Variants in SPECC1 observed in about 807,000 individuals in gnomAD.
SPECC1 encodes sperm antigen with calponin homology and coiled-coil domains 1.
SPECC1 carries 62 observed loss-of-function variants against 104.1 expected under a neutral mutation model. The observed-to-expected ratio is 0.60, with a 90% CI of 0.49 to 0.74. The LOEUF (loss-of-function observed/expected upper bound fraction) is 0.74. SPECC1 is among the 30% of genes least tolerant of loss of function. The probability of loss-of-function intolerance (pLI) is 0.00; values close to 1 mark genes in which losing one functional copy is unlikely to be tolerated. For missense variants in SPECC1, 1,306 were observed against 1,310.5 expected, an observed-to-expected ratio of 1.00 and a Z score of 0.05; for synonymous variants, 513 against 501.6, an observed-to-expected ratio of 1.02 and a Z score of -0.30.
intron 12 of SPECC1, among the ~76,000 whole-genome samples, chr17:20,285,853 C>T (rs1052325244): frequency 3.3e-5 from 5 of 150,574 alleles, no homozygotes; most frequent in African/African-American, 1.2e-4. Context: ...CGCTCTACCA[C>T]CCAGGTTGGA....
intron 3 of SPECC1, among the ~76,000 whole-genome samples, chr17:20,152,323 A>C (rs1267869600): frequency 6.6e-6 from 1 of 152,138 alleles, no homozygotes; most frequent in Non-Finnish European, 1.5e-5. Flanking sequence ...ATAAAATAAT[A>C]CAAGCATTGA....
intron 1 of SPECC1, among the ~76,000 whole-genome samples, chr17:20,019,928 C>G (rs1160371493): frequency 6.6e-6 from 1 of 152,194 alleles, no homozygotes; most frequent in Non-Finnish European, 1.5e-5. Context: ...TGTGTATAAT[C>G]TTCCACAAGA....
chr17:20,053,382 C>T lies in SPECC1; in HGVS notation c.-21-43249C>T, dbSNP rs569429878. Among the ~76,000 whole-genome samples the T allele has an allele frequency of 6.2e-4, 94 of 152,290 alleles. 1 individual carries two copies. The highest frequency in any genetic ancestry group is 9.7e-4 in the Non-Finnish European group (66 of 68,028). On this transcript the variant is annotated intron_variant, in intron 1 of 14. Coordinates refer to ENST00000395527, the MANE Select transcript of SPECC1 (RefSeq NM_001243439.2). ...TTTCAAGTTCAGCATTAATTGAACC[C>T]CCTATCCACTTCCACAGTGTGATGA...
At chr17:20,168,895 C>T (rs2033871855) in intron 3 of SPECC1, among the ~76,000 whole-genome samples, 1 of 152,022 alleles carries the variant, frequency 6.6e-6, no homozygotes, top group Non-Finnish European at 1.5e-5. Context: ...TTTTTTGAGG[C>T]AGGGTCTTGC....
At chr17:20,149,072 C>T (rs908288950) in intron 3 of SPECC1, among the ~76,000 whole-genome samples, 2 of 152,190 alleles carry the variant, frequency 1.3e-5, no homozygotes, top group Admixed American at 6.5e-5. Context: ...AACTTAGTAT[C>T]TGACACATAG....
At chr17:20,019,503 G>A (rs2044287019) in intron 1 of SPECC1, among the ~76,000 whole-genome samples, 1 of 151,992 alleles carries the variant, frequency 6.6e-6, no homozygotes, top group Admixed American at 6.6e-5. Context: ...GCCTTGAGAG[G>A]GTGTCAGTGA....
At chr17:20,308,918 G>C (rs532062725) in intron 14 of SPECC1, among the ~76,000 whole-genome samples, 1 of 152,276 alleles carries the variant, frequency 6.6e-6, no homozygotes. Context: ...TCTTTGTAGT[G>C]TTGTAATTAA....
intron 3 of SPECC1, among the ~76,000 whole-genome samples, chr17:20,130,595 T>C (rs185802952): frequency 1.1e-4 from 16 of 152,340 alleles, no homozygotes; most frequent in Admixed American, 8.5e-4. Flanking sequence ...TTTTGTGTTG[T>C]TGATCTATAT....
At chr17:20,214,741 T>A (rs2151397836) in intron 4 of SPECC1, among the ~76,000 whole-genome samples, 1 of 152,092 alleles carries the variant, frequency 6.6e-6, no homozygotes, top group Admixed American at 6.5e-5. Context: ...CCCCTGACCT[T>A]AAGTGATCCA....
chr17:20,273,390 G>A (rs8074047), intron 12 of SPECC1, among the ~76,000 whole-genome samples: 107,134 of 151,416 alleles, frequency 0.71, 39,667 homozygotes, highest in East Asian at 0.99. Context: ...AGGCATGAGA[G>A]TCTCTTGAAC....
chr17:20,311,324 C>T (rs2142226298), intron 14 of SPECC1, among the ~76,000 whole-genome samples: 1 of 152,126 alleles, frequency 6.6e-6, no homozygotes, highest in South Asian at 2.1e-4. Context: ...ATCTGCGTGC[C>T]ATTTGTTTCT....
Position 20,232,380 on chromosome 17 carries a change from G to C in SPECC1, c.2326G>C (p.Val776Leu). 1 of 1,612,464 alleles carries C rather than the reference G, an allele frequency of 6.2e-7. No homozygotes were observed. Among genetic ancestry groups the C allele is most frequent in the Non-Finnish European group, 8.5e-7 (1 of 1,179,194 alleles). Reference sequence around the variant, plus strand: ...GGGGGATGTGCAGGGCCACGGCAGGGTGGTCACCAGCAGAGCCGCCCCTCC... The same window carrying C: ...GGGGGATGTGCAGGGCCACGGCAGGCTGGTCACCAGCAGAGCCGCCCCTCC... ...ELGDVQGHGR[V>L]VTSRAAPPPV... Residue 776 changes from valine to leucine, a missense_variant, in exon 7 of 15, where the codon GTG becomes CTG. Physicochemically the swap from Val to Leu is conservative, Grantham distance 32 (BLOSUM62 1). This residue lies in a region of SPECC1 where 1,177 missense variants were observed against 1,139.9 expected (regional missense o/e 1.03). Coordinates refer to ENST00000395527, the MANE Select transcript of SPECC1 (RefSeq NM_001243439.2).
intron 4 of SPECC1, among the ~76,000 whole-genome samples, chr17:20,206,226 G>A (rs2036771289): frequency 6.6e-6 from 1 of 152,184 alleles, no homozygotes; most frequent in Non-Finnish European, 1.5e-5. Context: ...AGGGGCATCT[G>A]GTGTAACGTG....
At chr17:20,019,688 C>G (rs1190057092) in intron 1 of SPECC1, among the ~76,000 whole-genome samples, 1 of 152,106 alleles carries the variant, frequency 6.6e-6, no homozygotes, top group Non-Finnish European at 1.5e-5. Context: ...ATAAAAAATC[C>G]ACACATGGTC....
chr17:20,139,854 T>C (rs1021346531), intron 3 of SPECC1, among the ~76,000 whole-genome samples: 1 of 152,152 alleles, frequency 6.6e-6, no homozygotes, highest in Non-Finnish European at 1.5e-5. Flanking sequence ...TTTTGTATTT[T>C]TAGTAGAGAC....
chr17:20,231,716 C>G (rs745786561), intron 5 of SPECC1, 42 bp from the exon 6 acceptor site: 1 of 1,592,976 alleles, frequency 6.3e-7, no homozygotes, highest in Admixed American at 1.7e-5. Context: ...TCTTAAGAGT[C>G]TCACAGCTTT....
intron 1 of SPECC1, among the ~76,000 whole-genome samples, chr17:20,036,133 T>C (rs1000521511): frequency 6.6e-5 from 10 of 150,430 alleles, no homozygotes; most frequent in African/African-American, 2.0e-4. Context: ...AGAAAAGTCA[T>C]GCTTTATTTT....
At chr17:20,283,725 T>A (rs905338172) in intron 12 of SPECC1, among the ~76,000 whole-genome samples, 2 of 152,152 alleles carry the variant, frequency 1.3e-5, no homozygotes, top group African/African-American at 4.8e-5. Context: ...TAGCTGGGAC[T>A]ACAGCTGCAT....
intron 1 of SPECC1, among the ~76,000 whole-genome samples, chr17:20,036,870 T>A (rs2045108694): frequency 6.6e-6 from 1 of 152,232 alleles, no homozygotes; most frequent in African/African-American, 2.4e-5. Flanking sequence ...AGAGTGAACA[T>A]CCTTGCTTTG....
Sources: allele counts gnomAD v4.1 joint callset (sites outside exome capture counted in the v4.1 genomes callset), GRCh38; gene constraint gnomAD v4.1.1; regional missense constraint gnomAD v4.1.1; transcripts MANE v1.5; gene names NCBI Gene and HGNC (gene_info 2026-07-23, HGNC 2026-07-21).